TRRAP: variants seen among roughly 807,000 people sequenced by gnomAD.
TRRAP encodes the protein transformation/transcription domain associated protein.
TRRAP carries 41 observed loss-of-function variants against 438.8 expected under a neutral mutation model. The observed-to-expected ratio is 0.09, with a 90% CI of 0.07 to 0.12. The LOEUF is 0.12. TRRAP is among the 10% of genes least tolerant of loss of function. TRRAP has a pLI of 1.00. For missense variants in TRRAP, 3,122 were observed against 5,055.1 expected (o/e 0.62, Z 11.60); for synonymous variants, 1,994 against 1,962.9 (o/e 1.02, Z -0.42).
At chr7:98,981,367 T>C (rs1472666430) in intron 58 of TRRAP, among the ~76,000 whole-genome samples, 1 of 152,150 alleles carries the variant, frequency 6.6e-6, no homozygotes, top group Non-Finnish European at 1.5e-5. Flanking sequence ...ACACCACTGC[T>C]CTGCAGGCTG....
In TRRAP at chr7:98,999,457, A is replaced by T. The variant is rs1584409034; in HGVS notation, c.10309+4609A>T. ...AGCTCTGATGGGAGGGGCTTGAGCT[A>T]TCCTTCTCGGCACTTTTTCCTGAGA... On this transcript the variant is annotated intron_variant, in intron 67 of 72. Coordinates refer to ENST00000456197, the MANE Select transcript of TRRAP (RefSeq NM_001375524.1). 3.5e-6 allele frequency: 3 copies of T among 847,012 alleles called. No homozygotes were observed. In the East Asian group the frequency reaches 7.4e-5, roughly 21 times the overall value. The allele number at this position is 847,012 out of a possible 1,614,324, so 52.5% of individuals were successfully genotyped here. A position where few individuals can be genotyped will look rare whatever the true frequency, so the allele number is the denominator to read the frequency against.
intron 29 of TRRAP, 145 bp from the exon 30 acceptor site, chr7:98,937,505 A>C (rs1302577219): frequency 2.3e-5 from 26 of 1,124,276 alleles, no homozygotes; most frequent in Non-Finnish European, 3.0e-5. Flanking sequence ...TCATTTCGTC[A>C]TAAATTTCTG....
intron 3 of TRRAP, among the ~76,000 whole-genome samples, chr7:98,885,966 A>G (rs782727566): frequency 1.3e-5 from 2 of 152,224 alleles, no homozygotes; most frequent in Non-Finnish European, 2.9e-5. Context: ...TTTTGGTCTC[A>G]GATGCATTGA....
At chr7:98,945,059 C>T (rs782743953) in intron 31 of TRRAP, among the ~76,000 whole-genome samples, 3 of 152,204 alleles carry the variant, frequency 2.0e-5, no homozygotes, top group Non-Finnish European at 4.4e-5. Flanking sequence ...CCTGCTTTCG[C>T]CTCCCAAAGT....
At chr7:98,982,514 A>G (rs1183002049) in intron 59 of TRRAP, among the ~76,000 whole-genome samples, 1 of 152,256 alleles carries the variant, frequency 6.6e-6, no homozygotes, top group East Asian at 1.9e-4. Context: ...ATAGCCATAG[A>G]AACAAATTTA....
intron 23 of TRRAP, among the ~76,000 whole-genome samples, chr7:98,929,486 C>T (rs926252043): frequency 2.6e-5 from 4 of 152,056 alleles, no homozygotes; most frequent in Admixed American, 6.5e-5. Flanking sequence ...TCATAGAAAA[C>T]GTTCAGAAAA....
intron 62 of TRRAP, among the ~76,000 whole-genome samples, chr7:98,986,428 A>G (rs755075098): frequency 6.6e-6 from 1 of 152,164 alleles, no homozygotes; most frequent in Admixed American, 6.6e-5. Context: ...ATTTCTCCAT[A>G]TCCTCACCAG....
At position 98,890,403 on chromosome 7, in the gene TRRAP, C is replaced by G. The variant is rs782732311; in HGVS notation, c.219C>G (p.Leu73=). 2 of 1,605,006 alleles carry G rather than the reference C, an allele frequency of 1.2e-6. No homozygotes were observed. The highest frequency in any genetic ancestry group is 3.5e-5 in the Admixed American group (2 of 57,844). ...TCATCCCTCGATTCCTTACATTTCT[C>G]CAAGATGGAGAAGTTCAGTTTCTTC... ...EHIIPRFLTF[L]QDGEVQFLQE... Residue 73 remains leucine (L), a synonymous_variant, in exon 4 of 73, where the codon CTC becomes CTG. Transcript: ENST00000456197.
At chr7:98,915,435 G>C (rs571244955) in intron 18 of TRRAP, among the ~76,000 whole-genome samples, 1 of 152,236 alleles carries the variant, frequency 6.6e-6, no homozygotes, top group South Asian at 2.1e-4. Context: ...GAGGTAATCT[G>C]CCTGCCTTGG....
Position 98,976,187 on chromosome 7 carries a change from C to G in TRRAP, c.7878C>G (p.His2626Gln). The change falls in exon 54 of 73, where the codon CAC becomes CAG. Residue 2626 changes from histidine to glutamine, a missense_variant. Physicochemically the swap from His to Gln is conservative, Grantham distance 24. Coordinates refer to ENST00000456197, the MANE Select transcript of TRRAP (RefSeq NM_001375524.1). This position sits in a 1 kb window ranked among gnomAD's most constrained non-coding sequence, Gnocchi z 4.6. ...ALLSAFVQLC[H>Q]ISTTLAEKTW... ...TCAGCGCTTTCGTTCAGCTGTGCCA[C>G]ATTTCCACGACGCTGGCAGAGAAGA... 6.2e-7 allele frequency: 1 copy of G among 1,614,144 alleles called. No individual in the cohort carries two copies. The highest frequency in any genetic ancestry group is 1.3e-5 in the African/African-American group (1 of 75,062).
chr7:98,937,324 ATG>A (rs782608763), intron 29 of TRRAP, 47 bp downstream of exon 29: 162 of 1,480,260 alleles, frequency 1.1e-4, no homozygotes, highest in Non-Finnish European at 1.4e-4. Flanking sequence ...GTGCACACAC[ATG>A]TGTGTGTACT....
rs1197511227 is a variant in TRRAP at position 98,961,428 on chromosome 7, C to T, written c.6657C>T (p.Val2219=). Residue 2219 remains valine (V), a synonymous_variant, in exon 46 of 73, where the codon GTC becomes GTT. Coordinates refer to ENST00000456197, the MANE Select transcript of TRRAP (RefSeq NM_001375524.1). The part of the protein sequence containing the change: ...TCGNTKVLRA[V]HSLLSRLMSI... ...GAAACACCAAGGTGTTGCGAGCCGT[C>T]CACAGCCTTCTCTCGCGCCTGATGA... is the stretch of plus-strand genomic sequence containing the variant. 2 of 1,614,134 alleles carry T rather than the reference C, an allele frequency of 1.2e-6. No homozygotes were observed. The highest frequency in any genetic ancestry group is 1.7e-5 in the Admixed American group (1 of 60,010).
rs782430077 is a variant in TRRAP at position 98,915,925 on chromosome 7, G to A, written c.2365+37G>A. On this transcript the variant is annotated intron_variant, in intron 19 of 72. Coordinates refer to ENST00000456197, the MANE Select transcript of TRRAP (RefSeq NM_001375524.1). ...GACTTTGGTTGCCTTTTAGTCTTGTGTGTCATGTAGTCATGTGTCTAGCCA... is the reference window on the plus strand; with the variant it reads ...GACTTTGGTTGCCTTTTAGTCTTGTATGTCATGTAGTCATGTGTCTAGCCA... 66 of 1,611,302 alleles carry A rather than the reference G, an allele frequency of 4.1e-5. No homozygotes were observed. In the Admixed American group the frequency reaches 6.4e-4, roughly 16 times the overall value.
intron 30 of TRRAP, among the ~76,000 whole-genome samples, chr7:98,940,084 G>A (rs531133338): frequency 1.3e-5 from 2 of 151,772 alleles, no homozygotes; most frequent in African/African-American, 4.8e-5. Flanking sequence ...GGTTTTCACC[G>A]TGTTGGCCAG....
intron 29 of TRRAP, 79 bp downstream of exon 29, chr7:98,937,356 T>C: frequency 6.5e-7 from 1 of 1,530,858 alleles, no homozygotes; most frequent in Non-Finnish European, 8.7e-7. Context: ...GAGTTCTTCC[T>C]GTTTATTGCT....
chr7:98,880,285 A>G (rs1274372153), intron 1 of TRRAP, among the ~76,000 whole-genome samples: 3 of 57,286 alleles, frequency 5.2e-5, no homozygotes, highest in Non-Finnish European at 1.0e-4. Context: ...TTTTTCCGAG[A>G]CTGAACCTTG....
At chr7:98,990,272 T>C (rs1045975302) in intron 63 of TRRAP, among the ~76,000 whole-genome samples, 183 bp from the exon 64 acceptor site, 11 of 152,174 alleles carry the variant, frequency 7.2e-5, no homozygotes, top group African/African-American at 2.7e-4. Flanking sequence ...ATTTTTAAAT[T>C]TTAGGTTTTA....
chr7:98,958,127 C>A, intron 44 of TRRAP, 36 bp downstream of exon 44: 3 of 1,572,792 alleles, frequency 1.9e-6, no homozygotes, highest in Non-Finnish European at 2.6e-6. Context: ...AGGGCTTCTG[C>A]AGACCAGAGG....
In TRRAP at chr7:99,005,435, C is replaced by G; in HGVS notation, c.10753+87C>G. 2.3e-6 allele frequency: 3 copies of G among 1,297,856 alleles called. No homozygotes were observed. In the South Asian group the frequency reaches 3.7e-5, roughly 16 times the overall value. The allele number at this position is 1,297,856 out of a possible 1,614,324, so 80.4% of individuals were successfully genotyped here. A position where few individuals can be genotyped will look rare whatever the true frequency, so the allele number is the denominator to read the frequency against. ...CACACCTCGTGGGGTGCACAGGCAGCTCACGTTAGCCTTTGAGGGTCCAGC... is the reference window on the plus strand; with the variant it reads ...CACACCTCGTGGGGTGCACAGGCAGGTCACGTTAGCCTTTGAGGGTCCAGC... On this transcript the variant is annotated intron_variant, in intron 69 of 72. Coordinates refer to ENST00000456197, the MANE Select transcript of TRRAP (RefSeq NM_001375524.1). The surrounding 1 kb of genome is among the most constrained non-coding windows in gnomAD (Gnocchi z 5.1).
Sources: gnomAD v4.1 joint callset for allele counts (sites outside exome capture counted in the v4.1 genomes callset) on GRCh38, gnomAD v4.1.1 for gene constraint, Gnocchi (gnomAD v3.1) non-coding constraint, MANE v1.5 for transcripts, NCBI Gene and HGNC (gene_info 2026-07-23, HGNC 2026-07-21) for gene names.